The following DYNC1I1 variants were observed in gnomAD, a reference collection of about 807,000 sequenced individuals.
DYNC1I1 encodes dynein cytoplasmic 1 intermediate chain 1, also known as cytoplasmic dynein 1 intermediate chain 1.
DYNC1I1 carries 43 observed loss-of-function variants against 86.6 expected under a neutral mutation model. That is an observed-to-expected ratio of 0.50 (90% CI 0.39 to 0.64). DYNC1I1 has a LOEUF of 0.64. Ranked by LOEUF, DYNC1I1 falls within the 30% of genes least tolerant of loss-of-function variation. The probability of loss-of-function intolerance (pLI) is 0.00; values close to 1 mark genes in which losing one functional copy is unlikely to be tolerated. For synonymous variants in DYNC1I1, 262 were observed against 283.7 expected, an observed-to-expected ratio of 0.92 and a Z score of 0.77; for missense variants, 604 against 788.8, an observed-to-expected ratio of 0.77 and a Z score of 2.81.
chr7:95,835,918 CTT>C (rs1483102926), intron 5 of DYNC1I1, among the ~76,000 whole-genome samples: 5 of 152,306 alleles, frequency 3.3e-5, no homozygotes, highest in East Asian at 3.9e-4. Flanking sequence ...GGTCTTGACT[CTT>C]TATCCAATTT....
At chr7:95,873,853 C>T (rs1790236413) in intron 6 of DYNC1I1, among the ~76,000 whole-genome samples, 1 of 152,194 alleles carries the variant, frequency 6.6e-6, no homozygotes, top group African/African-American at 2.4e-5. Flanking sequence ...CCATTATTTC[C>T]TGATCATTGC....
At chr7:95,860,933 A>T (rs1033641235) in intron 5 of DYNC1I1, among the ~76,000 whole-genome samples, 3 of 152,132 alleles carry the variant, frequency 2.0e-5, no homozygotes, top group African/African-American at 7.2e-5. Context: ...TTAATACTAC[A>T]ATTGGGGTTT....
intron 9 of DYNC1I1, 87 bp from the exon 10 acceptor site, chr7:95,995,861 T>C (rs1417564873): frequency 1.3e-6 from 2 of 1,515,496 alleles, no homozygotes; most frequent in African/African-American, 2.8e-5. Flanking sequence ...TTACACTGTG[T>C]AGTATACCAC....
intron 6 of DYNC1I1, among the ~76,000 whole-genome samples, chr7:95,954,182 G>T (rs185004025): frequency 6.6e-6 from 1 of 151,506 alleles, no homozygotes; most frequent in Non-Finnish European, 1.5e-5. Flanking sequence ...AGGCAATTCC[G>T]TGTTTTAATA....
intron 14 of DYNC1I1, among the ~76,000 whole-genome samples, chr7:96,051,321 T>C (rs1789399045): frequency 6.6e-6 from 1 of 152,202 alleles, no homozygotes; most frequent in East Asian, 1.9e-4. Flanking sequence ...ATGTTTCTTC[T>C]ATTTGTATTA....
At chr7:95,869,441 TAGAG>T (rs1200216409) in intron 5 of DYNC1I1, among the ~76,000 whole-genome samples, 2 of 152,168 alleles carry the variant, frequency 1.3e-5, no homozygotes, top group African/African-American at 2.4e-5. Flanking sequence ...ACTGCTATGA[TAGAG>T]AATGTGTTAC....
chr7:95,853,754 A>G lies in DYNC1I1; in HGVS notation c.375-16129A>G, dbSNP rs1789642763. ...CAATAGTGGGATGTTGATGTCCCCT[A>G]CGATTATTTTATTGCAGCCTATCTC... On this transcript the variant is annotated intron_variant, in intron 5 of 16. Transcript: ENST00000447467. 3.9e-5 allele frequency among the ~76,000 whole-genome samples: 6 copies of G among 152,110 alleles called. No homozygotes were observed. In the South Asian group the frequency reaches 1.0e-3, roughly 26 times the overall value.
At chr7:95,878,966 A>G (rs2116213949) in intron 6 of DYNC1I1, among the ~76,000 whole-genome samples, 1 of 145,664 alleles carries the variant, frequency 6.9e-6, no homozygotes, top group South Asian at 2.2e-4. Context: ...AAAAAAAAAC[A>G]ACTATCAATC....
At chr7:96,028,425 G>A (rs1023078526) in intron 11 of DYNC1I1, 104 bp downstream of exon 11, 2 of 1,417,372 alleles carry the variant, frequency 1.4e-6, no homozygotes, top group Non-Finnish European at 1.9e-6. Flanking sequence ...CAAGTTAGGA[G>A]GATCTACTTT....
At chr7:95,852,253 G>A (rs1789598451) in intron 5 of DYNC1I1, among the ~76,000 whole-genome samples, 1 of 151,886 alleles carries the variant, frequency 6.6e-6, no homozygotes, top group African/African-American at 2.4e-5. Context: ...TAGATGTCAA[G>A]GAATTTATCC....
intron 16 of DYNC1I1, among the ~76,000 whole-genome samples, chr7:96,089,082 T>C (rs890006667): frequency 6.6e-6 from 1 of 151,080 alleles, no homozygotes; most frequent in African/African-American, 2.4e-5. Context: ...GTCCCTTAGA[T>C]AGAAAGTGAA....
chr7:96,056,626 A>G (rs772135737), intron 14 of DYNC1I1, among the ~76,000 whole-genome samples: 14 of 152,110 alleles, frequency 9.2e-5, no homozygotes, highest in Non-Finnish European at 2.9e-5. Flanking sequence ...TAGTGTTTGT[A>G]TTCTGTGGAA....
At chr7:95,974,223 T>A (rs1793246019) in intron 6 of DYNC1I1, among the ~76,000 whole-genome samples, 1 of 152,182 alleles carries the variant, frequency 6.6e-6, no homozygotes, top group Non-Finnish European at 1.5e-5. Context: ...TGTTTTTTTA[T>A]TTGTTTTTGG....
At chr7:95,802,606 AG>A (rs1015353224) in intron 1 of DYNC1I1, 1 of 152,188 alleles carries the variant, frequency 6.6e-6, no homozygotes, top group African/African-American at 2.4e-5. Flanking sequence ...TGTTTTGTCC[AG>A]GCTTTCCAGG....
intron 6 of DYNC1I1, among the ~76,000 whole-genome samples, chr7:95,906,473 A>G (rs1375337724): frequency 1.3e-5 from 2 of 151,466 alleles, no homozygotes; most frequent in Non-Finnish European, 2.9e-5. Flanking sequence ...TTTTTAATCA[A>G]ACTTTTCTGA....
chr7:95,967,230 C>A (rs1793038670), intron 6 of DYNC1I1, among the ~76,000 whole-genome samples: 1 of 152,030 alleles, frequency 6.6e-6, no homozygotes, highest in Admixed American at 6.6e-5. Context: ...TAATCTTAAA[C>A]ATAATAGTTC....
At chr7:96,065,531 C>G (rs941715939) in intron 14 of DYNC1I1, among the ~76,000 whole-genome samples, 9 of 152,060 alleles carry the variant, frequency 5.9e-5, no homozygotes, top group Non-Finnish European at 1.2e-4. Context: ...GCATTCATCA[C>G]CATGCCTGGC....
intron 1 of DYNC1I1, among the ~76,000 whole-genome samples, chr7:95,781,943 G>C (rs1172449529): frequency 6.6e-6 from 1 of 152,166 alleles, no homozygotes; most frequent in Non-Finnish European, 1.5e-5. Context: ...GCTAGGCTGT[G>C]TCATGATGCA....
intron 6 of DYNC1I1, among the ~76,000 whole-genome samples, chr7:95,904,890 T>C (rs1357004394): frequency 6.6e-6 from 1 of 152,236 alleles, no homozygotes; most frequent in East Asian, 1.9e-4. Flanking sequence ...ATTTCTATAT[T>C]GATTTTCCCA....
Sources: gnomAD v4.1 joint callset for allele counts (sites outside exome capture counted in the v4.1 genomes callset) on GRCh38, gnomAD v4.1.1 for gene constraint, MANE v1.5 for transcripts, NCBI Gene and HGNC (gene_info 2026-07-23, HGNC 2026-07-21) for gene names.